The following TBCK variants were observed in gnomAD, a reference collection of about 807,000 sequenced individuals.
The protein encoded by TBCK is TBC domain-containing protein kinase-like protein.
Under a neutral mutation model 113.4 loss-of-function variants are expected in TBCK, and 99 were observed. The observed-to-expected ratio is 0.87, with a 90% confidence interval of 0.74 to 1.03. The LOEUF (loss-of-function observed/expected upper bound fraction) is 1.03. TBCK is among the 50% of genes least tolerant of loss of function. TBCK has a pLI of 0.00. For synonymous variants in TBCK, 369 were observed against 370.8 expected, an observed-to-expected ratio of 1.00 and a Z score of 0.05; for missense variants, 1,045 against 1,061.3, an observed-to-expected ratio of 0.98 and a Z score of 0.21.
intron 23 of TBCK, among the ~76,000 whole-genome samples, chr4:106,145,640 A>G (rs1352990329): frequency 6.6e-6 from 1 of 152,180 alleles, no homozygotes; most frequent in East Asian, 1.9e-4. Context: ...GAAGAAGATA[A>G]TGTATGTCTT....
At chr4:106,284,110 T>C (rs1040985196) in intron 3 of TBCK, among the ~76,000 whole-genome samples, 3 of 152,066 alleles carry the variant, frequency 2.0e-5, no homozygotes, top group Non-Finnish European at 4.4e-5. Context: ...ACAAAACATG[T>C]AAAACAGGAA....
intron 20 of TBCK, among the ~76,000 whole-genome samples, chr4:106,202,635 C>CA (rs1360905879): frequency 1.3e-5 from 2 of 151,890 alleles, no homozygotes; most frequent in Non-Finnish European, 2.9e-5. Context: ...AAGATGAATG[C>CA]AAAAAGATAG....
chr4:106,055,865 T>C (rs927196375), intron 25 of TBCK, among the ~76,000 whole-genome samples: 2 of 151,646 alleles, frequency 1.3e-5, no homozygotes, highest in African/African-American at 2.4e-5. Flanking sequence ...AATCTCTTAT[T>C]GAGACTATCA....
chr4:106,215,107 G>C (rs1248712957), intron 19 of TBCK, among the ~76,000 whole-genome samples: 1 of 150,930 alleles, frequency 6.6e-6, no homozygotes, highest in African/African-American at 2.4e-5. Flanking sequence ...TTCATATCCA[G>C]CCAAACTAAG....
At chr4:106,124,381 G>A (rs1744876211) in intron 23 of TBCK, among the ~76,000 whole-genome samples, 2 of 152,180 alleles carry the variant, frequency 1.3e-5, no homozygotes, top group Non-Finnish European at 2.9e-5. Context: ...GGAGAAATAG[G>A]GACATTTTTA....
In TBCK at chr4:106,169,839, C is replaced by T. The variant is rs573930323; in HGVS notation, c.2235+1256G>A. Among the ~76,000 whole-genome samples, 9 of 152,140 alleles carry T rather than the reference C, an allele frequency of 5.9e-5. No homozygotes were observed. In the South Asian group the frequency reaches 1.9e-3, roughly 32 times the overall value. On this transcript the variant is annotated intron_variant, in intron 23 of 25. Coordinates refer to ENST00000394708, the MANE Select transcript of TBCK (RefSeq NM_001163435.3). ...GGGATAATGGGAGATAGTGACAGATCATCAGGCATTAGATTCTCATAAGGA... is the reference window on the plus strand; with the variant it reads ...GGGATAATGGGAGATAGTGACAGATTATCAGGCATTAGATTCTCATAAGGA...
rs536099489 is a variant in TBCK, at chr4:106,222,707, C to G, written c.1774+7656G>C. ...TTGTCAACTAAGAATGTGCCCAAAC[C>G]AAACCATTTGGTGATAATGTTGACT... is the stretch of plus-strand genomic sequence containing the variant. On this transcript the variant is annotated intron_variant, in intron 19 of 25. Coordinates refer to ENST00000394708, the MANE Select transcript of TBCK (RefSeq NM_001163435.3). Among the ~76,000 whole-genome samples the G allele has an allele frequency of 4.6e-5, 7 of 152,150 alleles. No homozygotes were observed. In the South Asian group the frequency reaches 1.5e-3, roughly 32 times the overall value.
intron 23 of TBCK, among the ~76,000 whole-genome samples, chr4:106,155,211 G>A (rs1007338754): frequency 4.6e-5 from 7 of 151,326 alleles, no homozygotes; most frequent in Admixed American, 2.6e-4. Flanking sequence ...GGTTTCCACT[G>A]AAAAGTCTGC....
At chr4:106,244,603 C>A (rs1013929538) in intron 11 of TBCK, 23 bp downstream of exon 11, 1 of 1,519,762 alleles carries the variant, frequency 6.6e-7, no homozygotes, top group Non-Finnish European at 8.8e-7. Flanking sequence ...ATTTAAATTC[C>A]CAAGAGAAGT....
In TBCK at chr4:106,116,393, G is replaced by C; in HGVS notation, c.2236-15C>G. On this transcript the variant is annotated splice_polypyrimidine_tract_variant and intron_variant, in intron 23 of 25. Coordinates refer to ENST00000394708, the MANE Select transcript of TBCK (RefSeq NM_001163435.3). ...GATTCTCTTGACTGAAAAAAAAAAT[G>C]TACAAAAAAAAATATTGAGAATATT... is the stretch of plus-strand genomic sequence containing the variant. The C allele has an allele frequency of 6.4e-7, 1 of 1,571,150 alleles. No individual in the cohort carries two copies. The highest frequency in any genetic ancestry group is 8.7e-7 in the Non-Finnish European group (1 of 1,154,364).
chr4:106,124,290 A>C (rs1487521120), intron 23 of TBCK, among the ~76,000 whole-genome samples: 4 of 152,202 alleles, frequency 2.6e-5, no homozygotes, highest in Non-Finnish European at 4.4e-5. Flanking sequence ...GCAAATCAAA[A>C]CCACAATGAG....
At chr4:106,105,258 A>G (rs187270097) in intron 24 of TBCK, among the ~76,000 whole-genome samples, 195 of 152,314 alleles carry the variant, frequency 1.3e-3, no homozygotes, top group Admixed American at 2.1e-3. Context: ...GCTTGGGCCC[A>G]CAGAACAAAC....
In TBCK at chr4:106,287,084, CT is replaced by C. The variant is rs558974213; in HGVS notation, c.266+8009del. Among the ~76,000 whole-genome samples, 38 of 152,172 alleles carry C rather than the reference CT, an allele frequency of 2.5e-4. No individual in the cohort carries two copies. The South Asian group carries it at 7.7e-3, about 31-fold the overall frequency. ...GACCAGAGGACTGCTCTCTTTGTGGCTTATGGGGTCCTCTGGAACTTCGGGG... is the reference window on the plus strand; with the variant it reads ...GACCAGAGGACTGCTCTCTTTGTGGCTATGGGGTCCTCTGGAACTTCGGGG... On this transcript the variant is annotated intron_variant, in intron 3 of 25. Coordinates refer to ENST00000394708, the MANE Select transcript of TBCK (RefSeq NM_001163435.3).
intron 23 of TBCK, among the ~76,000 whole-genome samples, chr4:106,120,465 C>T (rs1395158945): frequency 6.6e-6 from 1 of 152,204 alleles, no homozygotes; most frequent in Non-Finnish European, 1.5e-5. Context: ...GAGCCCACCA[C>T]AGCTCAAGGA....
chr4:106,289,705 T>C (rs113225196), intron 3 of TBCK, among the ~76,000 whole-genome samples: 3 of 150,792 alleles, frequency 2.0e-5, no homozygotes, highest in Non-Finnish European at 4.4e-5. Context: ...GAGGCAGAGG[T>C]TGCAGTGAGC....
At chr4:106,213,160 C>G (rs1756366969) in intron 19 of TBCK, among the ~76,000 whole-genome samples, 2 of 152,058 alleles carry the variant, frequency 1.3e-5, no homozygotes, top group South Asian at 4.1e-4. Context: ...CTTTGTATTT[C>G]TTGAATGTTC....
At chr4:106,254,744 C>G (rs1042024229) in intron 5 of TBCK, among the ~76,000 whole-genome samples, 1 of 152,062 alleles carries the variant, frequency 6.6e-6, no homozygotes, top group Non-Finnish European at 1.5e-5. Context: ...ATTGAAACCT[C>G]TTTCTCCCCA....
intron 23 of TBCK, among the ~76,000 whole-genome samples, chr4:106,158,287 T>C (rs1014369583): frequency 4.3e-4 from 65 of 152,124 alleles, no homozygotes; most frequent in African/African-American, 1.5e-3. Flanking sequence ...TGGTGGCTCA[T>C]GCCCATAATC....
intron 22 of TBCK, among the ~76,000 whole-genome samples, chr4:106,179,193 A>G (rs567449219): frequency 6.6e-6 from 1 of 152,028 alleles, no homozygotes; most frequent in African/African-American, 2.4e-5. Context: ...TTCAAAAACC[A>G]ACTTTTCCTT....
Sources: allele counts gnomAD v4.1 joint callset (sites outside exome capture counted in the v4.1 genomes callset), GRCh38; gene constraint gnomAD v4.1.1; transcripts MANE v1.5; gene names NCBI Gene and HGNC (gene_info 2026-07-23, HGNC 2026-07-21).